FGF8: variants seen among roughly 807,000 people sequenced by gnomAD.
FGF8 encodes androgen-induced growth factor.
A neutral mutation model predicts 29.7 loss-of-function variants in FGF8; 12 were observed. The ratio of observed to expected loss-of-function variants is 0.40; its 90% confidence interval spans 0.26 to 0.65. The LOEUF is 0.65. Among genes scored for constraint, FGF8 ranks in the 30% least tolerant of loss-of-function variants. The pLI is 0.37. For synonymous variants in FGF8, 157 were observed against 144.4 expected, an observed-to-expected ratio of 1.09 and a Z score of -0.63; for missense variants, 271 against 345.1, an observed-to-expected ratio of 0.79 and a Z score of 1.70.
intron 4 of FGF8, among the ~76,000 whole-genome samples, chr10:101,774,497 G>A (rs1209861939): frequency 6.6e-6 from 1 of 152,174 alleles, no homozygotes; most frequent in African/African-American, 2.4e-5. Context: ...GGGGGGAGGT[G>A]TAAAGGGAGA....
Position 101,775,559 on chromosome 10 carries a change from G to A in FGF8, c.69+181C>T. 2 of 660,610 alleles carry A rather than the reference G, an allele frequency of 3.0e-6. No individual in the cohort carries two copies. Among genetic ancestry groups the A allele is most frequent in the South Asian group, 1.9e-5 (1 of 53,266 alleles). The allele number at this position is 660,610 out of a possible 1,614,324, so 40.9% of individuals were successfully genotyped here. On this transcript the variant is annotated intron_variant, in intron 2 of 5. Transcript: ENST00000320185. This position sits in a 1 kb window ranked among gnomAD's most constrained non-coding sequence, Gnocchi z 4.6. ...CCACTCACTCGCTGTGTGACCTCAG[G>A]AGGGGTGCTACCTCTCTGTGCCTCA...
chr10:101,777,984 A>C (rs754001665), upstream of FGF8, among the ~76,000 whole-genome samples: 1 of 152,198 alleles, frequency 6.6e-6, no homozygotes, highest in Non-Finnish European at 1.5e-5. Flanking sequence ...TCAGGTGGAC[A>C]CAAGTGGCCA....
upstream of FGF8, among the ~76,000 whole-genome samples, chr10:101,776,510 GC>G (rs943319080): frequency 1.3e-5 from 2 of 151,834 alleles, no homozygotes; most frequent in Admixed American, 6.5e-5. Context: ...CCGAGCCTGG[GC>G]TTCCCCGACC....
chr10:101,776,205 G>C (rs1457590252), upstream of FGF8: 1 of 103,132 alleles, frequency 9.7e-6, no homozygotes, highest in Non-Finnish European at 2.0e-5. Context: ...GGGGGGCGCC[G>C]CACCGGGCGC....
At chr10:101,776,134 C>A (rs1007190769), upstream of FGF8, 2 of 127,224 alleles carry the variant, frequency 1.6e-5, no homozygotes, top group Non-Finnish European at 3.3e-5. Flanking sequence ...CCGGAGCGGG[C>A]GGGAGGGTCA....
chr10:101,776,317 G>A (rs1200160683), upstream of FGF8, among the ~76,000 whole-genome samples: 124 of 148,226 alleles, frequency 8.4e-4, no homozygotes, highest in Non-Finnish European at 1.7e-3. Context: ...GGGGAGGGGC[G>A]GCCGACGGGT....
At chr10:101,776,582 C>A (rs1263635712), upstream of FGF8, among the ~76,000 whole-genome samples, 1 of 152,058 alleles carries the variant, frequency 6.6e-6, no homozygotes. Flanking sequence ...CCGCTTCCGC[C>A]GCCGGCTACG....
In FGF8 at chr10:101,775,650, C is replaced by CA; in HGVS notation, c.69+89dup. The CA allele has an allele frequency of 2.1e-6, 3 of 1,447,774 alleles. No homozygotes were observed. Among genetic ancestry groups the CA allele is most frequent in the Non-Finnish European group, 2.8e-6 (3 of 1,073,094 alleles). The allele number at this position is 1,447,774 out of a possible 1,614,324, so 89.7% of individuals were successfully genotyped here. A position where few individuals can be genotyped will look rare whatever the true frequency, so the allele number is the denominator to read the frequency against. On this transcript the variant is annotated intron_variant, in intron 2 of 5. Coordinates refer to ENST00000320185, the MANE Select transcript of FGF8 (RefSeq NM_033163.5). This position sits in a 1 kb window ranked among gnomAD's most constrained non-coding sequence, Gnocchi z 4.6. ...GCCCTCAGCCCTCCCGCGCCGGCCG[C>CA]AGAGTCAGTCCCGGTGCCCCCGACC...
Position 101,775,831 on chromosome 10 carries a change from G to A in FGF8, c.32+38C>T. On this transcript the variant is annotated intron_variant, in intron 1 of 5. Transcript: ENST00000320185. The surrounding 1 kb of genome is among the most constrained non-coding windows in gnomAD (Gnocchi z 4.6). ...GAGGCGCGGGTGAGGCGAGGGGCGC[G>A]GGGGGCGGGTGGCGGGGCAGGGCGG... 6.6e-7 allele frequency: 1 copy of A among 1,521,706 alleles called. No homozygotes were observed. The allele number at this position is 1,521,706 out of a possible 1,614,324, so 94.3% of individuals were successfully genotyped here.
upstream of FGF8, among the ~76,000 whole-genome samples, chr10:101,778,414 G>A (rs1189146565): frequency 6.6e-6 from 1 of 152,246 alleles, no homozygotes; most frequent in Non-Finnish European, 1.5e-5. Flanking sequence ...CCCTGGCTGA[G>A]ACCAGCATTC....
Position 101,770,165 on chromosome 10 carries a change from C to G in FGF8, c.*164G>C. 1 of 382,326 alleles carries G rather than the reference C, an allele frequency of 2.6e-6. No homozygotes were observed. The highest frequency in any genetic ancestry group is 6.0e-5 in the South Asian group (1 of 16,538). The allele number at this position is 382,326 out of a possible 1,614,324, so 23.7% of individuals were successfully genotyped here. A position where few individuals can be genotyped will look rare whatever the true frequency, so the allele number is the denominator to read the frequency against. On this transcript the variant is annotated 3_prime_UTR_variant, in exon 6 of 6. Transcript: ENST00000320185. ...TTAAAAAAAAAAAAAAAAAAAAAAA[C>G]AGCAAAAACCCAACAGCAAACAATA... is the stretch of plus-strand genomic sequence containing the variant.
rs534918435 is a variant in FGF8 at position 101,772,220 on chromosome 10, C to T, written c.338-651G>A. On this transcript the variant is annotated intron_variant, in intron 4 of 5. Transcript: ENST00000320185. This position sits in a 1 kb window ranked among gnomAD's most constrained non-coding sequence, Gnocchi z 4.4. ...CAGGCTGCTTTCCCAGAACCTCAGA[C>T]ACCTGCCAGGAGGATCCTGCCTCTT... Among the ~76,000 whole-genome samples the T allele has an allele frequency of 6.6e-6, 1 of 152,376 alleles. No individual in the cohort carries two copies. Among genetic ancestry groups the T allele is most frequent in the East Asian group, 1.9e-4 (1 of 5,192 alleles).
chr10:101,774,770 T>C lies in FGF8; in HGVS notation c.299A>G (p.Lys100Arg). The stretch of plus-strand genomic sequence containing the variant: ...GTCCTCTGCCATGGCGTTGATGCGC[T>C]TGTTGGCCAGGACCTGCACGTGCTT... Reference protein sequence around the residue: ...SGKHVQVLANKRINAMAEDGD... With the variant: ...SGKHVQVLANRRINAMAEDGD... The change falls in exon 4 of 6, where the codon AAG becomes AGG. Residue 100 changes from lysine (K) to arginine (R), a missense_variant. Lys to Arg is a conservative substitution (Grantham distance 26). This residue lies in a region of FGF8 where 168 missense variants were observed against 207.0 expected (regional missense o/e 0.81). Transcript: ENST00000320185. 6.2e-7 allele frequency: 1 copy of C among 1,609,928 alleles called. No individual in the cohort carries two copies. The highest frequency in any genetic ancestry group is 8.5e-7 in the Non-Finnish European group (1 of 1,179,948).
upstream of FGF8, among the ~76,000 whole-genome samples, chr10:101,776,909 G>A (rs1014459690): frequency 7.5e-5 from 11 of 147,448 alleles, no homozygotes; most frequent in African/African-American, 2.5e-4. Context: ...TGAAGCTTGA[G>A]GAGCACCCCG....
At position 101,770,635 on chromosome 10, in the gene FGF8, C is replaced by T. The variant is rs1219679790; in HGVS notation, c.445-16G>A. 14 of 1,605,190 alleles carry T rather than the reference C, an allele frequency of 8.7e-6. No homozygotes were observed. Among genetic ancestry groups the T allele is most frequent in the Non-Finnish European group, 1.2e-5 (14 of 1,179,850 alleles). On this transcript the variant is annotated splice_polypyrimidine_tract_variant and intron_variant, in intron 5 of 5. Transcript: ENST00000320185. ...TGCCGTTGCTCTGCAGGTAGGGGAG[C>T]CAGACACCACGTTACAGAGCCCCCC...
At chr10:101,776,386 C>T (rs1486792026), upstream of FGF8, among the ~76,000 whole-genome samples, 7 of 149,150 alleles carry the variant, frequency 4.7e-5, no homozygotes, top group Non-Finnish European at 1.0e-4. Flanking sequence ...GGGGCGGGGG[C>T]GGCCGGTCTG....
upstream of FGF8, among the ~76,000 whole-genome samples, chr10:101,778,383 G>A (rs1370627040): frequency 6.6e-6 from 1 of 152,220 alleles, no homozygotes; most frequent in Admixed American, 6.5e-5. Context: ...CCCCTCCCTG[G>A]AATGGGGGTA....
Position 101,774,748 on chromosome 10 carries a change from C to A in FGF8, c.321G>T (p.Glu107Asp). The A allele has an allele frequency of 1.9e-6, 3 of 1,606,446 alleles. No homozygotes were observed. The highest frequency in any genetic ancestry group is 2.5e-6 in the Non-Finnish European group (3 of 1,179,810). ...GCGCCTTACCGAAGGGGTCGCCGTC[C>A]TCTGCCATGGCGTTGATGCGCTTGT... ...LANKRINAMAEDGDPFAKLIV... is the reference protein window; with the variant it reads ...LANKRINAMADDGDPFAKLIV... Residue 107 changes from glutamate (E) to aspartate (D), a missense_variant, in exon 4 of 6, where the codon GAG becomes GAT. Glu to Asp is a conservative substitution (Grantham distance 45). Around this residue, in one of 3 missense-constraint regions of FGF8, gnomAD observed 168 missense variants for 207.0 expected, o/e 0.81. Transcript: ENST00000320185.
At position 101,770,166 on chromosome 10, in the gene FGF8, AG is replaced by A; in HGVS notation, c.*162del. The A allele has an allele frequency of 1.8e-6, 1 of 542,428 alleles. No homozygotes were observed. Among genetic ancestry groups the A allele is most frequent in the Non-Finnish European group, 3.1e-6 (1 of 325,200 alleles). 33.6% of individuals were successfully genotyped at this position (542,428 alleles called of 1,614,324 possible). On this transcript the variant is annotated 3_prime_UTR_variant, in exon 6 of 6. Transcript: ENST00000320185. ...TAAAAAAAAAAAAAAAAAAAAAAACAGCAAAAACCCAACAGCAAACAATATC... is the reference window on the plus strand; with the variant it reads ...TAAAAAAAAAAAAAAAAAAAAAAACACAAAAACCCAACAGCAAACAATATC...
Sources: gnomAD v4.1 joint callset for allele counts (sites outside exome capture counted in the v4.1 genomes callset) on GRCh38, gnomAD v4.1.1 for gene constraint, gnomAD v4.1.1 regional missense constraint, Gnocchi (gnomAD v3.1) non-coding constraint, MANE v1.5 for transcripts, NCBI Gene and HGNC (gene_info 2026-07-23, HGNC 2026-07-21) for gene names.